Variants in SYNE1 observed in about 807,000 individuals in gnomAD.
The protein encoded by SYNE1 is nesprin-1.
SYNE1 carries 616 observed loss-of-function variants against 1,111.0 expected under a neutral mutation model. The observed-to-expected ratio is 0.55, with a 90% CI of 0.52 to 0.59. The LOEUF (loss-of-function observed/expected upper bound fraction) is 0.59, where lower values mean the gene tolerates loss of function less well. SYNE1 is among the 20% of genes least tolerant of loss of function. The pLI, the probability that SYNE1 is intolerant of heterozygous loss-of-function variation, is 0.00. For missense variants in SYNE1, 10,006 were observed against 10,417.0 expected (o/e 0.96, Z 1.72); for synonymous variants, 3,855 against 3,825.8 (o/e 1.01, Z -0.28).
At position 152,362,188 on chromosome 6, in the gene SYNE1, C is replaced by G; in HGVS notation, c.10281G>C (p.Thr3427=). ...CTCTCACCTTGGCTTTTCCGAGCAT[C>G]GTTGTTTTATCCCGCAGCTCCGCAT... The part of the protein sequence containing the change: ...RQHAELRDKT[T]MLGKAKLLNE... The change falls in exon 64 of 146, where the codon ACG becomes ACC. Residue 3427 remains threonine, a synonymous_variant. Transcript: ENST00000367255. 6.2e-7 allele frequency: 1 copy of G among 1,614,202 alleles called. No homozygotes were observed. Among genetic ancestry groups the G allele is most frequent in the Non-Finnish European group, 8.5e-7 (1 of 1,180,046 alleles).
At chr6:152,518,294 T>C (rs773219966) in intron 6 of SYNE1, among the ~76,000 whole-genome samples, 1 of 151,336 alleles carries the variant, frequency 6.6e-6, no homozygotes, top group Non-Finnish European at 1.5e-5. Flanking sequence ...ATCCCCAATG[T>C]TGAAAGTGAA....
intron 11 of SYNE1, among the ~76,000 whole-genome samples, chr6:152,495,378 C>G (rs2098993697): frequency 1.3e-5 from 2 of 152,214 alleles, no homozygotes; most frequent in South Asian, 4.1e-4. Context: ...CCCGCTCTAC[C>G]CAGTTGTCCC....
chr6:152,296,175 A>T (rs1039106582), intron 93 of SYNE1, among the ~76,000 whole-genome samples: 15 of 152,182 alleles, frequency 9.9e-5, no homozygotes, highest in Non-Finnish European at 1.0e-4. Flanking sequence ...ATGAATTTTC[A>T]TCCCTTCCCT....
intron 124 of SYNE1, 64 bp downstream of exon 124, chr6:152,211,430 C>T: frequency 7.2e-7 from 1 of 1,389,836 alleles, no homozygotes; most frequent in African/African-American, 1.4e-5. Flanking sequence ...CCAATCTGCT[C>T]ATTAAAAAGA....
rs2098159912 is a variant in SYNE1, at chr6:152,416,656, A to C, written c.5781T>G (p.Asp1927Glu). 6.2e-7 allele frequency: 1 copy of C among 1,614,236 alleles called. No homozygotes were observed. Among genetic ancestry groups the C allele is most frequent in the African/African-American group, 1.3e-5 (1 of 75,064 alleles). The change falls in exon 41 of 146, where the codon GAT becomes GAG. Residue 1927 changes from aspartate to glutamate, a missense_variant. Physicochemically the swap from Asp to Glu is conservative, Grantham distance 45 (BLOSUM62 2). Transcript: ENST00000367255. ...GGTATTGGGCTTTGGAAAGAATGCCATCCAGACTGACGGCAGCAGATTCTA... is the reference window on the plus strand; with the variant it reads ...GGTATTGGGCTTTGGAAAGAATGCCCTCCAGACTGACGGCAGCAGATTCTA... The part of the protein sequence containing the change: ...KALESAAVSL[D>E]GILSKAQYHL...
chr6:152,500,842 T>A (rs1210446874), intron 10 of SYNE1, among the ~76,000 whole-genome samples: 4 of 151,594 alleles, frequency 2.6e-5, no homozygotes, highest in African/African-American at 9.7e-5. Context: ...TCCCAGCTAC[T>A]TGGGAGGCTG....
At chr6:152,326,761 G>A (rs2096076787) in intron 78 of SYNE1, 128 bp from the exon 79 acceptor site, 1 of 840,234 alleles carries the variant, frequency 1.2e-6, no homozygotes. Context: ...GCATTGATAA[G>A]TTAGTGGAAT....
chr6:152,162,426 G>A (rs1299741815), intron 131 of SYNE1, among the ~76,000 whole-genome samples: 1 of 152,002 alleles, frequency 6.6e-6, no homozygotes. Flanking sequence ...TAGTAGGTGG[G>A]GCTATAAATA....
At chr6:152,381,560 C>A in intron 55 of SYNE1, 198 bp from the exon 56 acceptor site, 1 of 615,306 alleles carries the variant, frequency 1.6e-6, no homozygotes, top group Admixed American at 2.8e-5. Flanking sequence ...AGGCTTATGG[C>A]AAAAAAATCC....
chr6:152,174,707 C>T (rs1306471265), intron 130 of SYNE1, among the ~76,000 whole-genome samples: 1 of 152,182 alleles, frequency 6.6e-6, no homozygotes, highest in East Asian at 1.9e-4. Context: ...GGCTGTGCCA[C>T]ACAATGTGTG....
intron 135 of SYNE1, among the ~76,000 whole-genome samples, chr6:152,150,496 G>C (rs1281343388): frequency 2.0e-5 from 3 of 152,146 alleles, no homozygotes; most frequent in Non-Finnish European, 4.4e-5. Context: ...GAGAGGGTGA[G>C]GCAGAATAGC....
chr6:152,498,702 T>C (rs2099012629), intron 11 of SYNE1, 40 bp downstream of exon 11: 1 of 1,403,000 alleles, frequency 7.1e-7, no homozygotes, highest in African/African-American at 1.4e-5. Flanking sequence ...ATGCAGGATG[T>C]TTGAAAGAGG....
chr6:152,325,309 T>G lies in SYNE1; in HGVS notation c.15439-7A>C. The G allele has an allele frequency of 6.2e-7, 1 of 1,613,840 alleles. No homozygotes were observed. On this transcript the variant is annotated splice_polypyrimidine_tract_variant and splice_region_variant and intron_variant, in intron 80 of 145. Coordinates refer to ENST00000367255, the MANE Select transcript of SYNE1 (RefSeq NM_182961.4). ...TAACCACTGACACTAAAGCCTAGGG[T>G]TGGGGGTGGAGGACGGAAGAGAGGA...
chr6:152,166,006 C>T (rs909441439), intron 130 of SYNE1, among the ~76,000 whole-genome samples: 3 of 152,198 alleles, frequency 2.0e-5, no homozygotes, highest in Non-Finnish European at 2.9e-5. Flanking sequence ...GAGGTCCGTC[C>T]TGCTTTTACA....
chr6:152,227,092 G>A (rs975856703), intron 115 of SYNE1, among the ~76,000 whole-genome samples: 26 of 152,172 alleles, frequency 1.7e-4, no homozygotes, highest in East Asian at 1.9e-4. Flanking sequence ...TGTTAATGAG[G>A]AGTCCAGTCT....
chr6:152,593,130 C>A (rs952856685), intron 3 of SYNE1, among the ~76,000 whole-genome samples: 2 of 152,202 alleles, frequency 1.3e-5, no homozygotes, highest in African/African-American at 2.4e-5. Context: ...GCCACAGGAG[C>A]TTGACTCCTG....
intron 74 of SYNE1, among the ~76,000 whole-genome samples, chr6:152,341,187 T>C (rs1166077519): frequency 6.6e-6 from 1 of 152,132 alleles, no homozygotes; most frequent in East Asian, 1.9e-4. Flanking sequence ...CGAACTATGG[T>C]ATTGTGAGTC....
chr6:152,219,172 C>T lies in SYNE1; in HGVS notation c.21875G>A (p.Gly7292Glu), dbSNP rs1356061112. 6.2e-7 allele frequency: 1 copy of T among 1,613,898 alleles called. No individual in the cohort carries two copies. Among genetic ancestry groups the T allele is most frequent in the Admixed American group, 1.7e-5 (1 of 60,008 alleles). Residue 7292 changes from glycine to glutamate, a missense_variant, in exon 120 of 146, where the codon GGA (glycine) becomes GAA (glutamate). Gly to Glu is a moderately conservative substitution (Grantham distance 98). This residue lies in a region of SYNE1 where 2,182 missense variants were observed against 2,287.8 expected (regional missense o/e 0.95). Transcript: ENST00000367255. ...WIQDCNDLLK[G>E]LGTVKDSLFF... Reference sequence around the variant, plus strand: ...GAGGGAATCTTTAACTGTGCCCAGTCCTTTGAGGAGGTCCTAGAAGAGGTG... The same window carrying T: ...GAGGGAATCTTTAACTGTGCCCAGTTCTTTGAGGAGGTCCTAGAAGAGGTG...
At chr6:152,328,063 A>G (rs1447935770) in intron 78 of SYNE1, among the ~76,000 whole-genome samples, 7 of 152,204 alleles carry the variant, frequency 4.6e-5, no homozygotes, top group African/African-American at 1.7e-4. Context: ...GCTAAGATTC[A>G]TCTGAGGTTA....
Sources: allele counts gnomAD v4.1 joint callset (sites outside exome capture counted in the v4.1 genomes callset), GRCh38; gene constraint gnomAD v4.1.1; regional missense constraint gnomAD v4.1.1; transcripts MANE v1.5; gene names NCBI Gene and HGNC (gene_info 2026-07-23, HGNC 2026-07-21).